PDE11A: variants seen among roughly 807,000 people sequenced by gnomAD.
The protein encoded by PDE11A is phosphodiesterase 11A, also known as dual 3',5'-cyclic-AMP and -GMP phosphodiesterase 11A.
A neutral mutation model predicts 100.5 loss-of-function variants in PDE11A; 100 were observed. The observed-to-expected ratio is 1.00, with a 90% CI of 0.85 to 1.18. The LOEUF is 1.18. Ranked by LOEUF, PDE11A falls within the 50% of genes most tolerant of loss-of-function variation. The pLI, the probability that PDE11A is intolerant of heterozygous loss-of-function variation, is 0.00. For synonymous variants in PDE11A, 381 were observed against 420.8 expected (o/e 0.91, Z 1.16); for missense variants, 1,141 against 1,152.6 (o/e 0.99, Z 0.15).
intron 1 of PDE11A, chr2:178,105,760 C>T: frequency 1.8e-6 from 2 of 1,087,902 alleles, no homozygotes; most frequent in Non-Finnish European, 2.4e-6. Flanking sequence ...GCTCTGAGCC[C>T]CTGGGCCAGA....
At chr2:177,944,414 T>C (rs1574296900) in intron 2 of PDE11A, among the ~76,000 whole-genome samples, 2 of 152,212 alleles carry the variant, frequency 1.3e-5, no homozygotes, top group East Asian at 3.8e-4. Flanking sequence ...ATCATTGATC[T>C]TTGCAACAGA....
chr2:177,714,043 G>C (rs1409119659), intron 12 of PDE11A, among the ~76,000 whole-genome samples: 3 of 126,030 alleles, frequency 2.4e-5, no homozygotes, highest in African/African-American at 8.6e-5. Context: ...GCCCAGGCTG[G>C]AGTGCAGTGG....
At chr2:177,808,967 C>T (rs2082910327) in intron 9 of PDE11A, among the ~76,000 whole-genome samples, 1 of 152,106 alleles carries the variant, frequency 6.6e-6, no homozygotes, top group Admixed American at 6.6e-5. Context: ...ATGCTACAAC[C>T]TTAATGAACC....
intron 2 of PDE11A, among the ~76,000 whole-genome samples, chr2:178,078,510 G>A (rs2087243230): frequency 6.6e-6 from 1 of 152,048 alleles, no homozygotes; most frequent in Admixed American, 6.5e-5. Flanking sequence ...TAGAAGGTAA[G>A]TCTTTAAAAT....
intron 5 of PDE11A, among the ~76,000 whole-genome samples, chr2:177,856,674 AC>A (rs757410382): frequency 6.6e-6 from 1 of 152,096 alleles, no homozygotes; most frequent in East Asian, 1.9e-4. Context: ...TCACTAGGCT[AC>A]CCAACAGCAT....
In PDE11A at chr2:177,901,247, A is replaced by AC. The variant is rs199895360; in HGVS notation, c.1162-3050dup. Among the ~76,000 whole-genome samples, 1,136 of 150,698 alleles carry AC rather than the reference A, an allele frequency of 7.5e-3. 11 individuals are homozygous for AC. The highest frequency in any genetic ancestry group is 0.025 in the African/African-American group (1,025 of 40,972). On this transcript the variant is annotated intron_variant, in intron 3 of 19. Transcript: ENST00000286063. The stretch of plus-strand genomic sequence containing the variant: ...ATAAATTGGCTCATCTGATCTTGTG[A>AC]CCCCCCCCATCCATGAGCTAACTCA...
intron 1 of PDE11A, among the ~76,000 whole-genome samples, chr2:178,032,220 A>C (rs1316502269): frequency 6.6e-6 from 1 of 152,218 alleles, no homozygotes; most frequent in Non-Finnish European, 1.5e-5. Flanking sequence ...AATTTATAAA[A>C]ATTTCCAAAG....
At chr2:177,881,801 T>C (rs1176660816) in intron 4 of PDE11A, among the ~76,000 whole-genome samples, 1 of 152,244 alleles carries the variant, frequency 6.6e-6, no homozygotes, top group African/African-American at 2.4e-5. Flanking sequence ...ATAGTTGCAA[T>C]TGAGATCGTG....
At chr2:177,871,555 T>C (rs112049145) in intron 5 of PDE11A, among the ~76,000 whole-genome samples, 2,127 of 146,590 alleles carry the variant, frequency 0.015, 81 homozygotes, top group African/African-American at 0.051. Context: ...TTATTATTAT[T>C]ATTATTATTA....
At chr2:177,653,522 G>C (rs2080339818) in intron 19 of PDE11A, among the ~76,000 whole-genome samples, 1 of 152,160 alleles carries the variant, frequency 6.6e-6, no homozygotes, top group South Asian at 2.1e-4. Context: ...TTTGGAAATA[G>C]GGTCTTTGCA....
chr2:177,942,077 C>G (rs1376085193), intron 2 of PDE11A, among the ~76,000 whole-genome samples: 1 of 152,180 alleles, frequency 6.6e-6, no homozygotes, highest in African/African-American at 2.4e-5. Flanking sequence ...ACAAGAAATG[C>G]TATTGCTTTA....
intron 2 of PDE11A, among the ~76,000 whole-genome samples, chr2:178,086,310 G>C (rs1266169081): frequency 1.3e-5 from 2 of 152,134 alleles, no homozygotes; most frequent in African/African-American, 2.4e-5. Context: ...CATCCTATTG[G>C]TTAAAGTAAT....
chr2:178,024,772 A>G (rs915470558), intron 1 of PDE11A, among the ~76,000 whole-genome samples: 6 of 152,238 alleles, frequency 3.9e-5, no homozygotes, highest in African/African-American at 1.4e-4. Flanking sequence ...TTTTATTGCT[A>G]TATCATTTAG....
chr2:177,811,865 T>A (rs988299297), intron 9 of PDE11A, among the ~76,000 whole-genome samples: 1 of 152,170 alleles, frequency 6.6e-6, no homozygotes, highest in Admixed American at 6.5e-5. Context: ...GGATGTTCAG[T>A]GGTGTGACCA....
chr2:177,663,921 T>G lies in PDE11A; in HGVS notation c.2591A>C (p.Glu864Ala). 6.2e-7 allele frequency: 1 copy of G among 1,612,268 alleles called. No individual in the cohort carries two copies. The highest frequency in any genetic ancestry group is 1.3e-5 in the African/African-American group (1 of 74,988). Residue 864 changes from glutamate (E) to alanine (A), a missense_variant, in exon 19 of 20, where the codon GAA (glutamate) becomes GCA (alanine). By Grantham distance (107) the Glu-to-Ala change is moderately radical (BLOSUM62 -1). Transcript: ENST00000286063. ...SAIFDRNRKDELPRLQLEWID... is the reference protein window; with the variant it reads ...SAIFDRNRKDALPRLQLEWID... Reference sequence around the variant, plus strand: ...CCACTCCAGTTGCAACCGAGGCAGTTCATCCTTCCGGTTCCGATCAAAAAT... The same window carrying G: ...CCACTCCAGTTGCAACCGAGGCAGTGCATCCTTCCGGTTCCGATCAAAAAT...
chr2:178,056,630 T>C (rs571857124), intron 1 of PDE11A, among the ~76,000 whole-genome samples: 2 of 152,224 alleles, frequency 1.3e-5, no homozygotes, highest in African/African-American at 4.8e-5. Flanking sequence ...TCTGTGTATT[T>C]AAAAGAAAAA....
intron 1 of PDE11A, among the ~76,000 whole-genome samples, chr2:178,104,826 G>A (rs891444508): frequency 6.6e-6 from 1 of 152,092 alleles, no homozygotes; most frequent in Non-Finnish European, 1.5e-5. Context: ...TCTAAAAAGT[G>A]CATGTGCAAA....
chr2:177,945,507 C>G (rs1485908436), intron 2 of PDE11A, among the ~76,000 whole-genome samples: 1 of 148,032 alleles, frequency 6.8e-6, no homozygotes, highest in African/African-American at 2.5e-5. Context: ...TCTGCCCGGC[C>G]GAGACCCCGT....
chr2:178,100,948 TTTAAAAA>T (rs1438519291), intron 2 of PDE11A, among the ~76,000 whole-genome samples: 1 of 152,220 alleles, frequency 6.6e-6, no homozygotes, highest in Non-Finnish European at 1.5e-5. Context: ...AGAGAAATAC[TTTAAAAA>T]TTAAAAAGCT....
Sources: gnomAD v4.1 joint callset for allele counts (sites outside exome capture counted in the v4.1 genomes callset) on GRCh38, gnomAD v4.1.1 for gene constraint, MANE v1.5 for transcripts, NCBI Gene and HGNC (gene_info 2026-07-23, HGNC 2026-07-21) for gene names.